The following HIP1 variants were observed in gnomAD, a reference collection of about 807,000 sequenced individuals.
HIP1 encodes the protein huntingtin interacting protein 1.
In HIP1, 65 loss-of-function variants were observed where a neutral mutation model predicts 147.6. That is an observed-to-expected ratio of 0.44 (90% confidence interval 0.36 to 0.54). The LOEUF (loss-of-function observed/expected upper bound fraction) is 0.54. Ranked by LOEUF, HIP1 falls within the 20% of genes least tolerant of loss-of-function variation. The pLI is 0.00. For missense variants in HIP1, 1,061 were observed against 1,299.6 expected, an observed-to-expected ratio of 0.82 and a Z score of 2.82; for synonymous variants, 479 against 504.0, an observed-to-expected ratio of 0.95 and a Z score of 0.67.
chr7:75,717,506 C>T (rs1397570050), intron 1 of HIP1, among the ~76,000 whole-genome samples: 1 of 151,876 alleles, frequency 6.6e-6, no homozygotes, highest in African/African-American at 2.4e-5. Flanking sequence ...ATGGCAGGTT[C>T]ATAACAATGG....
At chr7:75,632,231 CCTCAGCCCTG>C (rs1554509048) in intron 1 of HIP1, among the ~76,000 whole-genome samples, 3 of 152,126 alleles carry the variant, frequency 2.0e-5, no homozygotes, top group Admixed American at 6.6e-5. Context: ...ACTCAGCCAT[CCTCAGCCCTG>C]GATCCTTTCA....
chr7:75,548,348 C>A lies in HIP1; in HGVS notation c.2407-535G>T, dbSNP rs587720690. On this transcript the variant is annotated intron_variant, in intron 23 of 30. Coordinates refer to ENST00000336926, the MANE Select transcript of HIP1 (RefSeq NM_005338.7). ...GGCCAGAACCCAGGATGTTCTGACA[C>A]CAAAGTATCTGATTCTTGAGGAAAC... Among the ~76,000 whole-genome samples, 26 of 152,082 alleles carry A rather than the reference C, an allele frequency of 1.7e-4. No homozygotes were observed. In the South Asian group the frequency reaches 5.0e-3, roughly 29 times the overall value.
intron 1 of HIP1, among the ~76,000 whole-genome samples, chr7:75,692,101 C>T (rs1554518211): frequency 6.6e-6 from 1 of 152,150 alleles, no homozygotes; most frequent in African/African-American, 2.4e-5. Flanking sequence ...GGCACAGCTT[C>T]TAATAAGCAG....
At chr7:75,688,946 C>T (rs534017935) in intron 1 of HIP1, among the ~76,000 whole-genome samples, 2 of 152,328 alleles carry the variant, frequency 1.3e-5, no homozygotes, top group South Asian at 4.1e-4. Context: ...CGCAGGACCC[C>T]TGTCTACTGC....
chr7:75,651,988 G>A (rs1234281194), intron 1 of HIP1, among the ~76,000 whole-genome samples: 5 of 149,506 alleles, frequency 3.3e-5, no homozygotes, highest in African/African-American at 9.9e-5. Context: ...CAGCCTGGGC[G>A]ACAGAGCGAG....
chr7:75,676,725 G>A (rs1298647595), intron 1 of HIP1, among the ~76,000 whole-genome samples: 10 of 151,668 alleles, frequency 6.6e-5, no homozygotes, highest in Middle Eastern at 3.4e-3. Flanking sequence ...GCAGTGGGCC[G>A]AGATCGTGCC....
chr7:75,684,358 G>A (rs1230629528), intron 1 of HIP1, among the ~76,000 whole-genome samples: 2 of 146,368 alleles, frequency 1.4e-5, no homozygotes, highest in Non-Finnish European at 3.0e-5. Flanking sequence ...TGAGGCAGGA[G>A]ACTAGTTTGA....
At chr7:75,566,239 C>T (rs907554568) in intron 9 of HIP1, among the ~76,000 whole-genome samples, 1 of 150,976 alleles carries the variant, frequency 6.6e-6, no homozygotes, top group Admixed American at 6.6e-5. Context: ...CCAGGCTGGT[C>T]TTGAACTCCT....
chr7:75,682,818 G>C (rs1800135575), intron 1 of HIP1, among the ~76,000 whole-genome samples: 1 of 152,072 alleles, frequency 6.6e-6, no homozygotes, highest in Admixed American at 6.6e-5. Context: ...CCTCCTCCTT[G>C]CTAATGTGTC....
intron 2 of HIP1, among the ~76,000 whole-genome samples, chr7:75,597,898 A>C (rs1796807945): frequency 1.3e-5 from 2 of 152,266 alleles, no homozygotes; most frequent in East Asian, 3.9e-4. Flanking sequence ...TGCAACTCAA[A>C]GGCAGATTCC....
intron 1 of HIP1, among the ~76,000 whole-genome samples, chr7:75,685,308 A>G (rs563500356): frequency 6.6e-6 from 1 of 152,190 alleles, no homozygotes; most frequent in East Asian, 1.9e-4. Flanking sequence ...AGTAGTGAAG[A>G]CAATGGACAA....
At chr7:75,686,497 G>T (rs1414339545) in intron 1 of HIP1, among the ~76,000 whole-genome samples, 1 of 152,126 alleles carries the variant, frequency 6.6e-6, no homozygotes, top group African/African-American at 2.4e-5. Flanking sequence ...TCTTAGCTGG[G>T]GTTCCCATGG....
At chr7:75,562,613 C>G (rs1795265580) in intron 11 of HIP1, among the ~76,000 whole-genome samples, 1 of 152,194 alleles carries the variant, frequency 6.6e-6, no homozygotes, top group Admixed American at 6.5e-5. Context: ...GCTGGGACCA[C>G]AGGTATGTGC....
intron 4 of HIP1, among the ~76,000 whole-genome samples, chr7:75,589,025 C>T (rs368755325): frequency 1.3e-5 from 2 of 152,012 alleles, no homozygotes; most frequent in African/African-American, 4.8e-5. Context: ...TGGCACATGC[C>T]TGTAATCCCA....
chr7:75,675,059 A>G (rs1799850243), intron 1 of HIP1, among the ~76,000 whole-genome samples: 2 of 152,042 alleles, frequency 1.3e-5, no homozygotes, highest in Non-Finnish European at 2.9e-5. Context: ...AGGGACTCCT[A>G]TTATACGTAT....
intron 1 of HIP1, among the ~76,000 whole-genome samples, chr7:75,612,236 C>T (rs1291842272): frequency 6.6e-6 from 1 of 152,138 alleles, no homozygotes; most frequent in Non-Finnish European, 1.5e-5. Context: ...GGAGGCCGGG[C>T]ACGGTGGCTC....
intron 23 of HIP1, among the ~76,000 whole-genome samples, 175 bp from the exon 24 acceptor site, chr7:75,547,988 T>C (rs1186170462): frequency 6.6e-6 from 1 of 151,984 alleles, no homozygotes; most frequent in African/African-American, 2.4e-5. Flanking sequence ...TCTAACCTAT[T>C]CAGGGGGAGT....
intron 9 of HIP1, among the ~76,000 whole-genome samples, chr7:75,566,859 C>T (rs1335017780): frequency 5.3e-5 from 8 of 151,388 alleles, no homozygotes; most frequent in South Asian, 2.1e-4. Context: ...CAGTGACTCG[C>T]GCCGGTAATC....
In HIP1 at chr7:75,562,161, C is replaced by G. The variant is rs1795249723; in HGVS notation, c.1030G>C (p.Asp344His). The change falls in exon 12 of 31, where the codon GAC becomes CAC. Residue 344 changes from aspartate to histidine, a missense_variant. Physicochemically the swap from Asp to His is moderately conservative, Grantham distance 81. Transcript: ENST00000336926. The stretch of plus-strand genomic sequence containing the variant: ...CCAAAGATGTCATCAAACTTGTTGT[C>G]AAATAAATTCTGTGGTTGACCAAAA... Reference protein sequence around the residue: ...DMDASQQNLFDNKFDDIFGSS... With the variant: ...DMDASQQNLFHNKFDDIFGSS... 3.7e-6 allele frequency: 6 copies of G among 1,612,158 alleles called. No individual in the cohort carries two copies. The highest frequency in any genetic ancestry group is 5.1e-6 in the Non-Finnish European group (6 of 1,178,392).
Sources: gnomAD v4.1 joint callset for allele counts (sites outside exome capture counted in the v4.1 genomes callset) on GRCh38, gnomAD v4.1.1 for gene constraint, MANE v1.5 for transcripts, NCBI Gene and HGNC (gene_info 2026-07-23, HGNC 2026-07-21) for gene names.